Variants in DPCD observed in about 807,000 individuals in gnomAD.
DPCD encodes the protein protein DPCD.
In DPCD, 20 loss-of-function variants were observed where a neutral mutation model predicts 26.4. The ratio of observed to expected loss-of-function variants is 0.76; its 90% confidence interval spans 0.53 to 1.10. The LOEUF is 1.10. DPCD is among the 50% of genes least tolerant of loss of function. The pLI is 0.00. For missense variants in DPCD, 202 were observed against 253.9 expected, an observed-to-expected ratio of 0.80 and a Z score of 1.39; for synonymous variants, 97 against 94.2, an observed-to-expected ratio of 1.03 and a Z score of -0.17.
At position 101,600,217 on chromosome 10, in the gene DPCD, T is replaced by A. The variant is rs1389462698; in HGVS notation, c.146-521T>A. ...TTGTTTTTGCTTTTTTCTTTTTTTTTAAGCAAGGTATACCTGAAAAGAGTG... is the reference window on the plus strand; with the variant it reads ...TTGTTTTTGCTTTTTTCTTTTTTTTAAAGCAAGGTATACCTGAAAAGAGTG... On this transcript the variant is annotated intron_variant, in intron 2 of 5. Coordinates refer to ENST00000370151, the MANE Select transcript of DPCD (RefSeq NM_015448.3). This position sits in a 1 kb window ranked among gnomAD's most constrained non-coding sequence, Gnocchi z 4.7. Among the ~76,000 whole-genome samples the A allele has an allele frequency of 6.6e-6, 1 of 152,222 alleles. No homozygotes were observed. Among genetic ancestry groups the A allele is most frequent in the Non-Finnish European group, 1.5e-5 (1 of 68,046 alleles).
At chr10:101,591,370 T>C (rs566670302) in intron 1 of DPCD, among the ~76,000 whole-genome samples, 1 of 152,326 alleles carries the variant, frequency 6.6e-6, no homozygotes, top group South Asian at 2.1e-4. Context: ...CAGGATTTTG[T>C]TAAGTTCTTT....
chr10:101,599,003 T>A (rs2063673709), intron 2 of DPCD, among the ~76,000 whole-genome samples: 1 of 152,222 alleles, frequency 6.6e-6, no homozygotes, highest in Admixed American at 6.5e-5. Flanking sequence ...CATTGGAGTC[T>A]AAGGGTGCTT....
chr10:101,591,301 T>G (rs1320529763), intron 1 of DPCD, among the ~76,000 whole-genome samples: 1 of 152,256 alleles, frequency 6.6e-6, no homozygotes, highest in East Asian at 1.9e-4. Context: ...AATATCCACT[T>G]GAGTCCCTGC....
At chr10:101,591,522 G>T (rs541837310) in intron 1 of DPCD, among the ~76,000 whole-genome samples, 1 of 152,002 alleles carries the variant, frequency 6.6e-6, no homozygotes, top group Non-Finnish European at 1.5e-5. Context: ...TGGGGAGTAG[G>T]GGGGAGGTTA....
At chr10:101,589,001 G>A (rs1426380426) in intron 1 of DPCD, among the ~76,000 whole-genome samples, 1 of 152,232 alleles carries the variant, frequency 6.6e-6, no homozygotes, top group East Asian at 1.9e-4. Flanking sequence ...GGAAGAAGTG[G>A]GCACAGGGGC....
chr10:101,591,900 G>A (rs1463843939), intron 1 of DPCD, among the ~76,000 whole-genome samples: 3 of 152,042 alleles, frequency 2.0e-5, no homozygotes, highest in South Asian at 2.1e-4. Context: ...TAACCAGGCT[G>A]GTCTCAAACT....
intron 4 of DPCD, among the ~76,000 whole-genome samples, chr10:101,601,662 G>A (rs556238623): frequency 5.6e-4 from 85 of 152,014 alleles, no homozygotes; most frequent in African/African-American, 1.9e-3. Context: ...AGGTTATTAT[G>A]ACCTTGGTCT....
chr10:101,606,582 G>A (rs1409759306), intron 4 of DPCD, among the ~76,000 whole-genome samples: 1 of 152,200 alleles, frequency 6.6e-6, no homozygotes, highest in Non-Finnish European at 1.5e-5. Context: ...CTCCCAAAGT[G>A]CTGGGATTAC....
At position 101,601,327 on chromosome 10, in the gene DPCD, CCAA is replaced by C; in HGVS notation, c.399_401del (p.Asn133del). The C allele has an allele frequency of 1.2e-6, 2 of 1,613,748 alleles. No homozygotes were observed. Among genetic ancestry groups the C allele is most frequent in the East Asian group, 2.2e-5 (1 of 44,794 alleles). ...GAGCGCTGCATCATTGTCAGAACAA[CCAA>C]CAAGAAGTGAGTAGCGTGGAAGGCA... On this transcript the variant is annotated inframe_deletion, in exon 4 of 6. Coordinates refer to ENST00000370151, the MANE Select transcript of DPCD (RefSeq NM_015448.3).
chr10:101,591,050 T>G (rs2063603517), intron 1 of DPCD, among the ~76,000 whole-genome samples: 1 of 152,164 alleles, frequency 6.6e-6, no homozygotes, highest in Non-Finnish European at 1.5e-5. Context: ...AGTAAACCTC[T>G]AAATGTTCCC....
rs909628389 is a variant in DPCD at position 101,603,865 on chromosome 10, G to A, written c.404+2529G>A. Among the ~76,000 whole-genome samples the A allele has an allele frequency of 1.3e-5, 2 of 152,262 alleles. No homozygotes were observed. The highest frequency in any genetic ancestry group is 2.9e-5 in the Non-Finnish European group (2 of 68,018). On this transcript the variant is annotated intron_variant, in intron 4 of 5. Transcript: ENST00000370151. The surrounding 1 kb of genome is among the most constrained non-coding windows in gnomAD (Gnocchi z 4.6). ...ACTCCTGGGCTCAAGGGATCCTCCC[G>A]CCTCATCCTCCTGAGAAGCTGGGAC...
At chr10:101,601,473 T>C (rs2134772578) in intron 4 of DPCD, 137 bp downstream of exon 4, 1 of 184,134 alleles carries the variant, frequency 5.4e-6, no homozygotes, top group Non-Finnish European at 1.1e-5. Flanking sequence ...TGGAAGGGCT[T>C]CCTCTCTGCA....
chr10:101,608,586 CT>C (rs1319000277), intron 4 of DPCD, among the ~76,000 whole-genome samples: 6 of 152,196 alleles, frequency 3.9e-5, no homozygotes, highest in African/African-American at 1.4e-4. Context: ...ACTACAACCC[CT>C]GGTCTAATCA....
intron 1 of DPCD, among the ~76,000 whole-genome samples, chr10:101,591,907 A>G (rs1169923153): frequency 6.6e-6 from 1 of 152,130 alleles, no homozygotes; most frequent in Non-Finnish European, 1.5e-5. Flanking sequence ...GCTGGTCTCA[A>G]ACTCCAGACC....
chr10:101,594,649 T>C lies in DPCD; in HGVS notation c.65-9T>C, dbSNP rs1564891507. 2 of 1,613,954 alleles carry C rather than the reference T, an allele frequency of 1.2e-6. No individual in the cohort carries two copies. On this transcript the variant is annotated splice_polypyrimidine_tract_variant and intron_variant, in intron 1 of 5. Transcript: ENST00000370151. The stretch of plus-strand genomic sequence containing the variant: ...CTTTGAGGTAAGGCATTCTCTGTTT[T>C]GTGCATAGGGAGAAGGAAGGTTCAC...
rs1377390494 is a variant in DPCD at position 101,588,418 on chromosome 10, A to G, written c.64+18A>G. The G allele has an allele frequency of 6.3e-6, 10 of 1,579,500 alleles. No homozygotes were observed. Among genetic ancestry groups the G allele is most frequent in the Non-Finnish European group, 2.6e-6 (3 of 1,161,752 alleles). Reference sequence around the variant, plus strand: ...GCAGGACGGTAACTCGAGGGTCCCCACGGGCTCCTTCGTTTTTTTCCCTCA... The same window carrying G: ...GCAGGACGGTAACTCGAGGGTCCCCGCGGGCTCCTTCGTTTTTTTCCCTCA... On this transcript the variant is annotated intron_variant, in intron 1 of 5. Transcript: ENST00000370151.
At chr10:101,595,242 CAG>C (rs2063642346) in intron 2 of DPCD, among the ~76,000 whole-genome samples, 1 of 152,166 alleles carries the variant, frequency 6.6e-6, no homozygotes, top group South Asian at 2.1e-4. Flanking sequence ...AGGGTCAAAA[CAG>C]TGATTTTGCA....
rs2063711813 is a variant in DPCD, at chr10:101,603,353, TTTATTA to T, written c.404+2027_404+2032del. Among the ~76,000 whole-genome samples the T allele has an allele frequency of 6.6e-6, 1 of 152,196 alleles. No homozygotes were observed. The highest frequency in any genetic ancestry group is 2.4e-5 in the African/African-American group (1 of 41,438). On this transcript the variant is annotated intron_variant, in intron 4 of 5. Coordinates refer to ENST00000370151, the MANE Select transcript of DPCD (RefSeq NM_015448.3). The surrounding 1 kb of genome is among the most constrained non-coding windows in gnomAD (Gnocchi z 4.6). ...TTATATAGAACTCAATGGGTATTCC[TTTATTA>T]TTATTATTAATTTGGAAGGGAGAGA...
At chr10:101,591,382 G>A (rs531205079) in intron 1 of DPCD, among the ~76,000 whole-genome samples, 325 of 152,160 alleles carry the variant, frequency 2.1e-3, no homozygotes, top group Middle Eastern at 3.4e-3. Flanking sequence ...AAGTTCTTTT[G>A]TTAGTAGCAT....
Sources: gnomAD v4.1 joint callset for allele counts (sites outside exome capture counted in the v4.1 genomes callset) on GRCh38, gnomAD v4.1.1 for gene constraint, Gnocchi (gnomAD v3.1) non-coding constraint, MANE v1.5 for transcripts, NCBI Gene and HGNC (gene_info 2026-07-23, HGNC 2026-07-21) for gene names.